The following NT5C2 variants were observed in gnomAD, a reference collection of about 807,000 sequenced individuals.
NT5C2 encodes the protein cytosolic purine 5'-nucleotidase.
In NT5C2, 58 loss-of-function variants were observed where a neutral mutation model predicts 76.1. The observed-to-expected ratio is 0.76, with a 90% confidence interval of 0.62 to 0.95. NT5C2 has a LOEUF of 0.95. Ranked by LOEUF, NT5C2 falls within the 40% of genes least tolerant of loss-of-function variation. NT5C2 has a pLI of 0.00. For synonymous variants in NT5C2, 229 were observed against 237.4 expected, an observed-to-expected ratio of 0.96 and a Z score of 0.32; for missense variants, 478 against 690.3, an observed-to-expected ratio of 0.69 and a Z score of 3.45.
At chr10:103,096,901 A>C (rs1341195240) in intron 11 of NT5C2, among the ~76,000 whole-genome samples, 1 of 151,298 alleles carries the variant, frequency 6.6e-6, no homozygotes, top group East Asian at 2.0e-4. Flanking sequence ...CTAAGAGCCA[A>C]AACATCTGTG....
intron 12 of NT5C2, among the ~76,000 whole-genome samples, chr10:103,094,880 CAAA>C (rs35752695): frequency 7.3e-6 from 1 of 136,762 alleles, no homozygotes; most frequent in African/African-American, 2.8e-5. Flanking sequence ...GACTCCATCT[CAAA>C]AAAAAAAAAA....
intron 6 of NT5C2, among the ~76,000 whole-genome samples, chr10:103,104,735 G>C (rs916550061): frequency 2.0e-5 from 3 of 152,182 alleles, no homozygotes; most frequent in Non-Finnish European, 4.4e-5. Flanking sequence ...GGGGCATCCT[G>C]TGACCTCAAA....
intron 4 of NT5C2, among the ~76,000 whole-genome samples, chr10:103,130,155 C>T (rs966171314): frequency 2.6e-5 from 4 of 151,732 alleles, no homozygotes; most frequent in African/African-American, 9.7e-5. Flanking sequence ...GGATGGTTAC[C>T]GTGTCTGTGT....
chr10:103,098,765 T>TA, intron 10 of NT5C2, 166 bp downstream of exon 10: 1 of 582,528 alleles, frequency 1.7e-6, no homozygotes, highest in Non-Finnish European at 3.0e-6. Context: ...AAAACTCTAC[T>TA]AAGACCTATG....
At chr10:103,154,128 A>G (rs1402152338) in intron 3 of NT5C2, among the ~76,000 whole-genome samples, 1 of 152,228 alleles carries the variant, frequency 6.6e-6, no homozygotes, top group Non-Finnish European at 1.5e-5. Flanking sequence ...AATATAATGC[A>G]TAGGGATTAT....
At chr10:103,153,877 C>A (rs765062255) in intron 3 of NT5C2, 180 of 755,194 alleles carry the variant, frequency 2.4e-4, no homozygotes, top group Non-Finnish European at 2.8e-4. Context: ...ACAGGAGGAA[C>A]CTAAAGTATT....
chr10:103,097,814 G>C (rs2068573274), intron 10 of NT5C2, among the ~76,000 whole-genome samples: 1 of 152,172 alleles, frequency 6.6e-6, no homozygotes, highest in Non-Finnish European at 1.5e-5. Flanking sequence ...ACACCTTGCA[G>C]AATGAAATGA....
At chr10:103,094,120 C>T in intron 13 of NT5C2, 82 bp from the exon 14 acceptor site, 1 of 1,081,882 alleles carries the variant, frequency 9.2e-7, no homozygotes, top group Non-Finnish European at 1.4e-6. Context: ...CCATCCCACC[C>T]CCCACCACCA....
intron 18 of NT5C2, 104 bp from the exon 19 acceptor site, chr10:103,090,012 A>G: frequency 4.9e-6 from 4 of 812,640 alleles, no homozygotes; most frequent in Non-Finnish European, 7.6e-6. Flanking sequence ...AATTACATCT[A>G]TAATGGACCA....
intron 3 of NT5C2, among the ~76,000 whole-genome samples, chr10:103,144,062 T>G (rs1207359832): frequency 6.6e-6 from 1 of 152,226 alleles, no homozygotes; most frequent in Non-Finnish European, 1.5e-5. Flanking sequence ...ATCTACTTTA[T>G]TATATTTTCC....
chr10:103,134,306 C>A (rs369751729), intron 4 of NT5C2, among the ~76,000 whole-genome samples: 15 of 152,244 alleles, frequency 9.9e-5, no homozygotes, highest in African/African-American at 3.4e-4. Flanking sequence ...ATGGGCCAGG[C>A]CCAGGCTCCC....
intron 4 of NT5C2, among the ~76,000 whole-genome samples, chr10:103,110,480 T>C (rs564212962): frequency 6.7e-4 from 102 of 152,200 alleles, no homozygotes; most frequent in African/African-American, 2.3e-3. Context: ...CAAAAGCTCT[T>C]TGTGATAGGG....
chr10:103,185,902 A>G (rs2091959623), intron 1 of NT5C2, among the ~76,000 whole-genome samples: 1 of 152,212 alleles, frequency 6.6e-6, no homozygotes, highest in Non-Finnish European at 1.5e-5. Flanking sequence ...AAATTCAGAG[A>G]TATGCATGAG....
chr10:103,114,211 G>A (rs575440294), intron 4 of NT5C2, among the ~76,000 whole-genome samples: 15 of 152,198 alleles, frequency 9.9e-5, no homozygotes, highest in South Asian at 4.2e-4. Context: ...TAAGGAGTTC[G>A]AGACCAGCCT....
intron 3 of NT5C2, among the ~76,000 whole-genome samples, chr10:103,167,546 T>G (rs1175536344): frequency 6.6e-6 from 1 of 152,126 alleles, no homozygotes; most frequent in East Asian, 1.9e-4. Flanking sequence ...GAAATTAAAA[T>G]TGATCAACCT....
intron 3 of NT5C2, among the ~76,000 whole-genome samples, chr10:103,167,754 C>G (rs2086780839): frequency 6.6e-6 from 1 of 152,102 alleles, no homozygotes. Flanking sequence ...GCCTTAGACT[C>G]CTGAGTAACC....
At chr10:103,101,148 C>G in intron 7 of NT5C2, 46 bp from the exon 8 acceptor site, 2 of 1,476,434 alleles carry the variant, frequency 1.4e-6, no homozygotes, top group Non-Finnish European at 1.9e-6. Flanking sequence ...TGAAATAATT[C>G]AAACTTATTT....
intron 3 of NT5C2, among the ~76,000 whole-genome samples, chr10:103,144,322 G>A (rs370502378): frequency 5.3e-5 from 8 of 152,140 alleles, no homozygotes; most frequent in South Asian, 2.1e-4. Flanking sequence ...AGAAGTATGC[G>A]GAACGACATA....
At chr10:103,170,223 T>C (rs2087548088) in intron 3 of NT5C2, among the ~76,000 whole-genome samples, 1 of 152,160 alleles carries the variant, frequency 6.6e-6, no homozygotes, top group Non-Finnish European at 1.5e-5. Flanking sequence ...GGCAGGTGGA[T>C]TGCTTAAGCC....
Sources: gnomAD v4.1 joint callset for allele counts (sites outside exome capture counted in the v4.1 genomes callset) on GRCh38, gnomAD v4.1.1 for gene constraint, MANE v1.5 for transcripts, NCBI Gene and HGNC (gene_info 2026-07-23, HGNC 2026-07-21) for gene names.